Variants in ITPR2 observed in about 807,000 individuals in gnomAD.
ITPR2 encodes the protein inositol 1,4,5-trisphosphate-gated calcium channel ITPR2.
A neutral mutation model predicts 317.1 loss-of-function variants in ITPR2; 207 were observed. The ratio of observed to expected loss-of-function variants is 0.65; its 90% CI spans 0.58 to 0.73. The LOEUF (loss-of-function observed/expected upper bound fraction) is 0.73, where lower values mean the gene tolerates loss of function less well. Ranked by LOEUF, ITPR2 falls within the 30% of genes least tolerant of loss-of-function variation. The probability of loss-of-function intolerance (pLI) is 0.00; values close to 1 mark genes in which losing one functional copy is unlikely to be tolerated. For missense variants in ITPR2, 2,613 were observed against 3,284.0 expected (o/e 0.80, Z 4.99); for synonymous variants, 1,156 against 1,149.1 (o/e 1.01, Z -0.12).
At chr12:26,716,834 A>G (rs1239999832) in intron 5 of ITPR2, among the ~76,000 whole-genome samples, 1 of 152,188 alleles carries the variant, frequency 6.6e-6, no homozygotes, top group African/African-American at 2.4e-5. Context: ...TATCTTAAAT[A>G]TATTAAACTA....
chr12:26,475,262 G>A (rs919246471), intron 45 of ITPR2, 34 bp downstream of exon 45: 1 of 1,611,430 alleles, frequency 6.2e-7, no homozygotes, highest in African/African-American at 1.3e-5. Flanking sequence ...TTGATAGGAT[G>A]AGCAAAATAA....
intron 35 of ITPR2, among the ~76,000 whole-genome samples, chr12:26,560,537 T>C (rs1565603927): frequency 6.6e-6 from 1 of 152,194 alleles, no homozygotes; most frequent in Non-Finnish European, 1.5e-5. Flanking sequence ...TCTCATGCCC[T>C]GTCTCTACTT....
intron 55 of ITPR2, among the ~76,000 whole-genome samples, chr12:26,382,920 A>T (rs928670355): frequency 1.4e-4 from 22 of 152,210 alleles, no homozygotes; most frequent in African/African-American, 5.3e-4. Flanking sequence ...TGAATTTTAC[A>T]AATGAAGAAA....
chr12:26,565,757 G>A (rs1463937363), intron 34 of ITPR2, among the ~76,000 whole-genome samples: 1 of 150,344 alleles, frequency 6.7e-6, no homozygotes, highest in African/African-American at 2.5e-5. Flanking sequence ...ACACTGTGAT[G>A]CGAATAGCCA....
At chr12:26,413,153 C>A (rs1246440141) in intron 51 of ITPR2, among the ~76,000 whole-genome samples, 1 of 152,240 alleles carries the variant, frequency 6.6e-6, no homozygotes, top group Non-Finnish European at 1.5e-5. Context: ...TTTTCTAAGA[C>A]ACCAATTTTC....
chr12:26,695,749 G>C (rs1948332722), intron 9 of ITPR2, 99 bp from the exon 10 acceptor site: 3 of 736,380 alleles, frequency 4.1e-6, no homozygotes, highest in Non-Finnish European at 7.0e-6. Flanking sequence ...CCTCAACTAA[G>C]TTTAATATAA....
chr12:26,734,927 T>C (rs1348006076), intron 2 of ITPR2, among the ~76,000 whole-genome samples: 2 of 152,126 alleles, frequency 1.3e-5, no homozygotes, highest in East Asian at 3.8e-4. Flanking sequence ...CTACAGATAA[T>C]TTAGGAGTCA....
At chr12:26,552,173 G>A (rs1406438883) in intron 36 of ITPR2, among the ~76,000 whole-genome samples, 1 of 152,048 alleles carries the variant, frequency 6.6e-6, no homozygotes, top group African/African-American at 2.4e-5. Flanking sequence ...CTAGGCTAAT[G>A]TGTGGATGGT....
chr12:26,558,432 A>G (rs1295229281), intron 35 of ITPR2, among the ~76,000 whole-genome samples: 2 of 152,224 alleles, frequency 1.3e-5, no homozygotes, highest in Non-Finnish European at 2.9e-5. Flanking sequence ...ATCCTCTAAC[A>G]CATACAGGCC....
chr12:26,469,080 T>C (rs1942240591), intron 45 of ITPR2, among the ~76,000 whole-genome samples: 1 of 152,218 alleles, frequency 6.6e-6, no homozygotes, highest in Admixed American at 6.5e-5. Flanking sequence ...CTAGGGGAAG[T>C]AGATCTTGTA....
At chr12:26,641,939 AAAACAAAC>A (rs10590862) in intron 21 of ITPR2, among the ~76,000 whole-genome samples, 1 of 151,554 alleles carries the variant, frequency 6.6e-6, no homozygotes, top group Non-Finnish European at 1.5e-5. Flanking sequence ...TTAGAAGGAA[AAAACAAAC>A]AAACAAACAG....
intron 34 of ITPR2, among the ~76,000 whole-genome samples, chr12:26,573,109 C>T (rs535672131): frequency 1.6e-4 from 25 of 151,966 alleles, no homozygotes; most frequent in Middle Eastern, 3.4e-3. Flanking sequence ...ATTGAAGCTG[C>T]GAACTCCTGG....
intron 2 of ITPR2, among the ~76,000 whole-genome samples, chr12:26,754,537 G>A (rs1291280850): frequency 6.6e-6 from 1 of 152,224 alleles, no homozygotes. Flanking sequence ...TACATGCGAG[G>A]TGTATAAAGA....
chr12:26,461,310 A>G (rs1942013487), intron 45 of ITPR2, among the ~76,000 whole-genome samples: 1 of 152,162 alleles, frequency 6.6e-6, no homozygotes, highest in Admixed American at 6.5e-5. Flanking sequence ...GCAACTTCTC[A>G]ACTGTGAAGA....
At position 26,654,020 on chromosome 12, in the gene ITPR2, G is replaced by A; in HGVS notation, c.2696C>T (p.Pro899Leu). The change falls in exon 21 of 57, where the codon CCC becomes CTC. Residue 899 changes from proline (P) to leucine (L), a missense_variant. By Grantham distance (98) the Pro-to-Leu change is moderately conservative. Transcript: ENST00000381340. ...LLAILDIVQAPMSSYFERLSK... is the reference protein window; with the variant it reads ...LLAILDIVQALMSSYFERLSK... ...TAATCTTTCAAAGTATGATGACATG[G>A]GGGCCTGTACAATGTCTAAAATAGC... The A allele has an allele frequency of 1.9e-6, 3 of 1,610,412 alleles. No individual in the cohort carries two copies. The highest frequency in any genetic ancestry group is 2.5e-6 in the Non-Finnish European group (3 of 1,177,946).
intron 1 of ITPR2, among the ~76,000 whole-genome samples, chr12:26,812,443 G>T (rs7303607): frequency 2.0e-5 from 3 of 151,758 alleles, no homozygotes; most frequent in Non-Finnish European, 2.9e-5. Context: ...GCCGGGCGTG[G>T]TGGCAGGCGC....
intron 20 of ITPR2, among the ~76,000 whole-genome samples, chr12:26,654,780 A>T (rs776138856): frequency 6.6e-6 from 1 of 152,234 alleles, no homozygotes. Flanking sequence ...AGAAAGGCCC[A>T]CATGGCAGGA....
chr12:26,478,569 G>C (rs978702008), intron 43 of ITPR2, among the ~76,000 whole-genome samples: 1 of 151,848 alleles, frequency 6.6e-6, no homozygotes, highest in Non-Finnish European at 1.5e-5. Flanking sequence ...TTGGCAATAT[G>C]GTATTTTTTC....
intron 2 of ITPR2, among the ~76,000 whole-genome samples, chr12:26,753,359 C>T (rs528130190): frequency 5.9e-5 from 9 of 152,126 alleles, no homozygotes; most frequent in African/African-American, 1.7e-4. Flanking sequence ...CTTTGCTGAC[C>T]GCTATGGGTG....
Sources: allele counts gnomAD v4.1 joint callset (sites outside exome capture counted in the v4.1 genomes callset), GRCh38; gene constraint gnomAD v4.1.1; transcripts MANE v1.5; gene names NCBI Gene and HGNC (gene_info 2026-07-23, HGNC 2026-07-21).